The following KIAA1217 variants were observed in gnomAD, a reference collection of about 807,000 sequenced individuals.
KIAA1217 encodes KIAA1217.
Under a neutral mutation model 163.9 loss-of-function variants are expected in KIAA1217, and 88 were observed. The ratio of observed to expected loss-of-function variants is 0.54; its 90% CI spans 0.45 to 0.64. The LOEUF is 0.64. KIAA1217 is among the 30% of genes least tolerant of loss of function. The probability of loss-of-function intolerance (pLI) is 0.00; values close to 1 mark genes in which losing one functional copy is unlikely to be tolerated. For missense variants in KIAA1217, 2,372 were observed against 2,475.0 expected (o/e 0.96, Z 0.88); for synonymous variants, 903 against 923.1 (o/e 0.98, Z 0.39).
At chr10:24,223,083 G>A (rs1419722814) in intron 2 of KIAA1217, among the ~76,000 whole-genome samples, 5 of 152,082 alleles carry the variant, frequency 3.3e-5, no homozygotes, top group Admixed American at 6.5e-5. Context: ...TTTGGCTGGT[G>A]TCTTTACTGT....
At chr10:23,928,914 G>A (rs896065023) in intron 1 of KIAA1217, among the ~76,000 whole-genome samples, 2 of 152,186 alleles carry the variant, frequency 1.3e-5, no homozygotes, top group Non-Finnish European at 2.9e-5. Context: ...TGTCTGAGGA[G>A]ATGACCTATA....
chr10:23,913,258 G>A (rs1842509209), intron 1 of KIAA1217, among the ~76,000 whole-genome samples: 1 of 152,148 alleles, frequency 6.6e-6, no homozygotes, highest in Non-Finnish European at 1.5e-5. Flanking sequence ...CTCTGGGTCA[G>A]TGATAAAGAA....
At chr10:23,952,265 C>T (rs542960226) in intron 1 of KIAA1217, among the ~76,000 whole-genome samples, 1 of 152,344 alleles carries the variant, frequency 6.6e-6, no homozygotes, top group Non-Finnish European at 1.5e-5. Flanking sequence ...CAGAACCACA[C>T]ATTTTCTGAG....
At chr10:24,481,613 T>C (rs2064711123) in intron 6 of KIAA1217, 1 of 152,176 alleles carries the variant, frequency 6.6e-6, no homozygotes, top group Non-Finnish European at 1.5e-5. Flanking sequence ...TTAAAGAGGC[T>C]TCCATGGGCC....
At chr10:24,331,693 G>A (rs993917458) in intron 2 of KIAA1217, among the ~76,000 whole-genome samples, 3 of 152,246 alleles carry the variant, frequency 2.0e-5, no homozygotes, top group African/African-American at 7.2e-5. Flanking sequence ...GCTCAGGCAG[G>A]AAATGAGAAG....
chr10:24,003,012 A>C (rs1171491820), intron 1 of KIAA1217, among the ~76,000 whole-genome samples: 1 of 152,222 alleles, frequency 6.6e-6, no homozygotes, highest in African/African-American at 2.4e-5. Flanking sequence ...TTAGTATTCC[A>C]TGGTGTATAT....
chr10:23,793,018 A>C, intron 1 of KIAA1217, among the ~76,000 whole-genome samples: 1 of 149,564 alleles, frequency 6.7e-6, no homozygotes, highest in East Asian at 2.0e-4. Flanking sequence ...ATTTTCCAGG[A>C]AACATCATCA....
At chr10:24,345,965 C>T (rs1271613289) in intron 2 of KIAA1217, among the ~76,000 whole-genome samples, 1 of 152,146 alleles carries the variant, frequency 6.6e-6, no homozygotes, top group Non-Finnish European at 1.5e-5. Context: ...AGCTCTCCAT[C>T]CCCGCCATCC....
chr10:23,826,901 G>A (rs1374293380), intron 1 of KIAA1217, among the ~76,000 whole-genome samples: 1 of 152,092 alleles, frequency 6.6e-6, no homozygotes, highest in Non-Finnish European at 1.5e-5. Flanking sequence ...GTCCCCTATA[G>A]TGATATCTTC....
chr10:24,160,824 A>AT lies in KIAA1217; in HGVS notation c.-170-58800dup, dbSNP rs2065086055. On this transcript the variant is annotated intron_variant, in intron 2 of 18. Transcript: ENST00000376462. ...TGTCAAAAATGTGTAACAGGGATGT[A>AT]TTACTCTTGCCCTGAGAACTTCAAC... Among the ~76,000 whole-genome samples the AT allele has an allele frequency of 2.0e-5, 3 of 152,294 alleles. No homozygotes were observed. The South Asian group carries it at 6.2e-4, about 32-fold the overall frequency.
intron 17 of KIAA1217, among the ~76,000 whole-genome samples, chr10:24,538,582 A>T (rs865942039): frequency 1.5e-5 from 1 of 68,540 alleles, no homozygotes; most frequent in Non-Finnish European, 3.3e-5. Flanking sequence ...GGAAGGAAGG[A>T]AGGAAGGAAG....
intron 1 of KIAA1217, among the ~76,000 whole-genome samples, chr10:23,898,328 T>C (rs564071824): frequency 7.4e-5 from 11 of 148,286 alleles, no homozygotes; most frequent in South Asian, 4.2e-4. Context: ...CACACACACA[T>C]ATATATAATA....
At chr10:23,885,240 A>T (rs1443350998) in intron 1 of KIAA1217, among the ~76,000 whole-genome samples, 2 of 152,070 alleles carry the variant, frequency 1.3e-5, no homozygotes. Context: ...TAACACACTC[A>T]TCTCCTTATA....
chr10:23,786,003 A>G (rs1835475523), intron 1 of KIAA1217, among the ~76,000 whole-genome samples: 1 of 152,162 alleles, frequency 6.6e-6, no homozygotes, highest in African/African-American at 2.4e-5. Flanking sequence ...AATCAGACAT[A>G]AAAGTTGCCC....
At chr10:23,953,563 C>T (rs371147692) in intron 1 of KIAA1217, among the ~76,000 whole-genome samples, 38 of 152,280 alleles carry the variant, frequency 2.5e-4, no homozygotes, top group Non-Finnish European at 5.1e-4. Context: ...CAGGAAGGAA[C>T]GGACCATTAA....
intron 2 of KIAA1217, among the ~76,000 whole-genome samples, chr10:24,139,369 A>G (rs1490747814): frequency 6.6e-6 from 1 of 152,142 alleles, no homozygotes; most frequent in Non-Finnish European, 1.5e-5. Flanking sequence ...TTGAGTATAT[A>G]TTGATTTCTC....
At chr10:24,216,893 G>C (rs568349509) in intron 1 of KIAA1217, among the ~76,000 whole-genome samples, 1 of 149,670 alleles carries the variant, frequency 6.7e-6, no homozygotes, top group African/African-American at 2.4e-5. Context: ...ATAGCCAGAT[G>C]TGGTGGCACA....
chr10:24,183,424 T>A (rs1244298443), intron 2 of KIAA1217, among the ~76,000 whole-genome samples: 2 of 152,204 alleles, frequency 1.3e-5, no homozygotes, highest in Non-Finnish European at 2.9e-5. Flanking sequence ...TTTCTGTTAG[T>A]CATCTGCTTC....
chr10:23,894,969 A>T (rs552398775), intron 1 of KIAA1217, among the ~76,000 whole-genome samples: 28 of 152,306 alleles, frequency 1.8e-4, no homozygotes, highest in Admixed American at 3.9e-4. Flanking sequence ...TCCCTTCCTT[A>T]CACCTGATAC....
Sources: allele counts gnomAD v4.1 joint callset (sites outside exome capture counted in the v4.1 genomes callset), GRCh38; gene constraint gnomAD v4.1.1; transcripts MANE v1.5; gene names NCBI Gene and HGNC (gene_info 2026-07-23, HGNC 2026-07-21).